SLC27A1: variants seen among roughly 807,000 people sequenced by gnomAD.
SLC27A1 encodes the protein long-chain fatty acid transport protein 1.
Under a neutral mutation model 62.2 loss-of-function variants are expected in SLC27A1, and 61 were observed. The ratio of observed to expected loss-of-function variants is 0.98; its 90% confidence interval spans 0.80 to 1.21. The LOEUF (loss-of-function observed/expected upper bound fraction) is 1.21. Ranked by LOEUF, SLC27A1 falls within the 50% of genes most tolerant of loss-of-function variation. SLC27A1 has a pLI of 0.00. For synonymous variants in SLC27A1, 435 were observed against 408.6 expected (o/e 1.06, Z -0.78); for missense variants, 903 against 932.1 (o/e 0.97, Z 0.41).
rs775574473 is a variant in SLC27A1, at chr19:17,488,874, A to G, written c.821A>G (p.His274Arg). Residue 274 changes from histidine (H) to arginine (R), a missense_variant, in exon 5 of 12, where the codon CAC becomes CGC. Transcript: ENST00000252595. ...TACTACCGCATGGCAGCCTTCGGCCACCACGCCTACCGCATGCAGGCGGCT... is the reference window on the plus strand; with the variant it reads ...TACTACCGCATGGCAGCCTTCGGCCGCCACGCCTACCGCATGCAGGCGGCT... ...SRYYRMAAFG[H>R]HAYRMQAADV... is the part of the protein sequence containing the mutation. 16 of 1,613,710 alleles carry G rather than the reference A, an allele frequency of 9.9e-6. No individual in the cohort carries two copies. The highest frequency in any genetic ancestry group is 8.0e-5 in the African/African-American group (6 of 74,860).
rs761117948 is a variant in SLC27A1, at chr19:17,470,690, C to A, written c.150C>A (p.Thr50=). 2.1e-5 allele frequency: 34 copies of A among 1,581,898 alleles called. No homozygotes were observed. In the East Asian group the frequency reaches 7.8e-4, roughly 36 times the overall value. Residue 50 remains threonine (T), a synonymous_variant, in exon 1 of 12, where the codon ACC becomes ACA. Transcript: ENST00000252595. The part of the protein sequence containing the change: ...GWRFLRIVCK[T]ARRDLFGLSV... Reference sequence around the variant, plus strand: ...GCTTCCTGCGCATCGTCTGCAAGACCGCGAGGCGAGACCTCTTGTGAGTGT... The same window carrying A: ...GCTTCCTGCGCATCGTCTGCAAGACAGCGAGGCGAGACCTCTTGTGAGTGT...
At chr19:17,480,497 A>T (rs1402173335) in intron 1 of SLC27A1, among the ~76,000 whole-genome samples, 1 of 146,950 alleles carries the variant, frequency 6.8e-6, no homozygotes, top group Non-Finnish European at 1.5e-5. Flanking sequence ...CATCCTCCTG[A>T]GTAGCTGGGA....
rs2075453970 is a variant in SLC27A1 at position 17,504,492 on chromosome 19, G to A, written c.1821G>A (p.Glu607=). Residue 607 remains glutamate, a synonymous_variant, in exon 12 of 12, where the codon GAG becomes GAA. Transcript: ENST00000252595. ...FKIQKTRLQR[E]GFDPRQTSDR... ...TCCAGAAGACGAGGCTGCAGCGAGA[G>A]GGCTTTGACCCACGCCAGACCTCAG... 1 of 1,614,076 alleles carries A rather than the reference G, an allele frequency of 6.2e-7. No individual in the cohort carries two copies. The highest frequency in any genetic ancestry group is 1.3e-5 in the African/African-American group (1 of 74,934).
chr19:17,486,562 G>T lies in SLC27A1; in HGVS notation c.168-1G>T. The T allele has an allele frequency of 6.3e-7, 1 of 1,576,740 alleles. No homozygotes were observed. Reference sequence around the variant, plus strand: ...GCTGTCCCCTCCGTCCTCCCTCCCAGCGGTCTCTCTGTGCTGATCCGCGTG... The same window carrying T: ...GCTGTCCCCTCCGTCCTCCCTCCCATCGGTCTCTCTGTGCTGATCCGCGTG... On this transcript the variant is annotated splice_acceptor_variant, in intron 1 of 11. Coordinates refer to ENST00000252595, the MANE Select transcript of SLC27A1 (RefSeq NM_198580.3). LOFTEE classifies it high-confidence loss of function. This position sits in a 1 kb window ranked among gnomAD's most constrained non-coding sequence, Gnocchi z 6.6.
chr19:17,483,027 A>C (rs1274294403), intron 1 of SLC27A1, among the ~76,000 whole-genome samples: 1 of 152,070 alleles, frequency 6.6e-6, no homozygotes, highest in African/African-American at 2.4e-5. Flanking sequence ...TGAATGAGGG[A>C]ATGAGTGAAG....
rs77407270 is a variant in SLC27A1 at position 17,473,561 on chromosome 19, A to G, written c.167+2854A>G. Among the ~76,000 whole-genome samples the G allele has an allele frequency of 2.2e-3, 332 of 152,266 alleles. 3 individuals carry two copies. The highest frequency in any genetic ancestry group is 7.6e-3 in the African/African-American group (316 of 41,560). ...TATTTTCTGATCACCTTGTTGCTAC[A>G]TTAATAAAAAATTAACTCGGCTGGG... On this transcript the variant is annotated intron_variant, in intron 1 of 11. Transcript: ENST00000252595.
At position 17,504,650 on chromosome 19, in the gene SLC27A1, G is replaced by A. The variant is rs1448550691; in HGVS notation, c.*38G>A. Reference sequence around the variant, plus strand: ...ACTGGCCACAAACTCTGGGCCTGGTGGGAGAGGCCAGCTTGAGCCAGACAG... The same window carrying A: ...ACTGGCCACAAACTCTGGGCCTGGTAGGAGAGGCCAGCTTGAGCCAGACAG... On this transcript the variant is annotated 3_prime_UTR_variant, in exon 12 of 12. Transcript: ENST00000252595. The A allele has an allele frequency of 8.1e-6, 13 of 1,612,632 alleles. No homozygotes were observed. Among genetic ancestry groups the A allele is most frequent in the African/African-American group, 1.3e-5 (1 of 74,866 alleles).
Position 17,497,401 on chromosome 19 carries a change from C to A in SLC27A1, c.1143C>A (p.Arg381=), listed in dbSNP as rs767656658. The A allele has an allele frequency of 6.2e-7, 1 of 1,605,182 alleles. No homozygotes were observed. Among genetic ancestry groups the A allele is most frequent in the Non-Finnish European group, 8.5e-7 (1 of 1,177,440 alleles). The stretch of plus-strand genomic sequence containing the variant: ...AGTTCACGGAGCGCTTCGGCGTACG[C>A]CAAATCGGGGAGTTCTACGGCGCCA... ...WEEFTERFGV[R]QIGEFYGATE... is the part of the protein sequence containing the mutation. Residue 381 remains arginine, a synonymous_variant, in exon 7 of 12, where the codon CGC becomes CGA. Coordinates refer to ENST00000252595, the MANE Select transcript of SLC27A1 (RefSeq NM_198580.3).
Position 17,489,074 on chromosome 19 carries a change from C to T in SLC27A1, c.953C>T (p.Ser318Leu), listed in dbSNP as rs756504761. The change falls in exon 6 of 12, where the codon TCG (serine) becomes TTG (leucine). Residue 318 changes from serine to leucine, a missense_variant. By Grantham distance (145) the Ser-to-Leu change is moderately radical. Transcript: ENST00000252595. ...ACAGTCGTCCTCCGCAAGAAATTCT[C>T]GGCCAGCCGCTTCTGGGACGACTGC... is the stretch of plus-strand genomic sequence containing the variant. ...GLTVVLRKKF[S>L]ASRFWDDCIK... The T allele has an allele frequency of 1.2e-6, 2 of 1,614,178 alleles. No individual in the cohort carries two copies. Among genetic ancestry groups the T allele is most frequent in the South Asian group, 1.1e-5 (1 of 91,084 alleles).
At chr19:17,500,427 C>T in intron 8 of SLC27A1, 23 bp downstream of exon 8, 1 of 1,613,012 alleles carries the variant, frequency 6.2e-7, no homozygotes, top group Non-Finnish European at 8.5e-7. Flanking sequence ...CCCGCATGGT[C>T]CCCACCCGGA....
At chr19:17,471,378 A>G (rs1468227701) in intron 1 of SLC27A1, among the ~76,000 whole-genome samples, 5 of 151,792 alleles carry the variant, frequency 3.3e-5, no homozygotes, top group Admixed American at 3.3e-4. Context: ...GCTGCTGTGT[A>G]TTCCAGGACT....
intron 11 of SLC27A1, 113 bp downstream of exon 11, chr19:17,501,532 G>A (rs1445479180): frequency 2.2e-5 from 31 of 1,417,142 alleles, no homozygotes; most frequent in Middle Eastern, 1.8e-4. Context: ...GGCCAGGCAC[G>A]GTGGCTCACG....
intron 1 of SLC27A1, among the ~76,000 whole-genome samples, chr19:17,481,639 G>A (rs938502508): frequency 3.3e-5 from 5 of 151,980 alleles, no homozygotes; most frequent in African/African-American, 1.2e-4. Context: ...GAGTAGTTGG[G>A]ACTACAGGCT....
chr19:17,487,895 C>T (rs912691900), intron 4 of SLC27A1, among the ~76,000 whole-genome samples: 1 of 151,896 alleles, frequency 6.6e-6, no homozygotes, highest in East Asian at 1.9e-4. Flanking sequence ...TTTTCCATGC[C>T]CCCCATCTGG....
chr19:17,500,675 G>T (rs1375128550), intron 9 of SLC27A1, 37 bp from the exon 10 acceptor site: 5 of 1,613,910 alleles, frequency 3.1e-6, no homozygotes, highest in Non-Finnish European at 4.2e-6. Context: ...GTGCGGATGG[G>T]GATCCTCCAC....
chr19:17,480,501 G>A (rs957278425), intron 1 of SLC27A1, among the ~76,000 whole-genome samples: 2 of 149,688 alleles, frequency 1.3e-5, no homozygotes, highest in African/African-American at 4.9e-5. Context: ...CTCCTGAGTA[G>A]CTGGGACTAT....
At chr19:17,494,020 C>CTTTTTTTT (rs35491603) in intron 6 of SLC27A1, among the ~76,000 whole-genome samples, 4 of 135,788 alleles carry the variant, frequency 2.9e-5, no homozygotes, top group African/African-American at 1.1e-4. Context: ...GTAGCTGTTT[C>CTTTTTTTT]TTTTTTTTTT....
In SLC27A1 at chr19:17,497,472, C is replaced by A. The variant is rs757170578; in HGVS notation, c.1206+8C>A. On this transcript the variant is annotated splice_region_variant and intron_variant, in intron 7 of 11. Transcript: ENST00000252595. ...GCCAACATGGACGGCAAGGTGCACA[C>A]CGGCAGGGCCCCGGGGCAGGTCTCG... is the stretch of plus-strand genomic sequence containing the variant. 1 of 1,601,196 alleles carries A rather than the reference C, an allele frequency of 6.2e-7. No individual in the cohort carries two copies. Among genetic ancestry groups the A allele is most frequent in the East Asian group, 2.3e-5 (1 of 44,206 alleles).
chr19:17,499,588 T>A (rs2075386955), intron 7 of SLC27A1, among the ~76,000 whole-genome samples: 1 of 151,500 alleles, frequency 6.6e-6, no homozygotes, highest in African/African-American at 2.4e-5. Context: ...GGTGGATCAC[T>A]TGAGGTCACG....
Sources: gnomAD v4.1 joint callset for allele counts (sites outside exome capture counted in the v4.1 genomes callset) on GRCh38, gnomAD v4.1.1 for gene constraint, Gnocchi (gnomAD v3.1) non-coding constraint, MANE v1.5 for transcripts, NCBI Gene and HGNC (gene_info 2026-07-23, HGNC 2026-07-21) for gene names.